MYO1E: variants seen among roughly 807,000 people sequenced by gnomAD.
MYO1E encodes myosin IE, also known as unconventional myosin-Ie.
In MYO1E, 68 loss-of-function variants were observed where a neutral mutation model predicts 151.1. The ratio of observed to expected loss-of-function variants is 0.45; its 90% CI spans 0.37 to 0.55. The LOEUF is 0.55. MYO1E is among the 20% of genes least tolerant of loss of function. The pLI, the probability that MYO1E is intolerant of heterozygous loss-of-function variation, is 0.00. For missense variants in MYO1E, 1,363 were observed against 1,389.3 expected (o/e 0.98, Z 0.30); for synonymous variants, 601 against 501.7 (o/e 1.20, Z -2.64).
At position 59,372,280 on chromosome 15, in the gene MYO1E, A is replaced by G. The variant is rs7174510; in HGVS notation, c.3+218T>C. ...CCACAGAAAGTTTCGCGACGCAGAA[A>G]CCGACTTGGAATAAAGTTTTCCTTG... is the stretch of plus-strand genomic sequence containing the variant. On this transcript the variant is annotated intron_variant, in intron 1 of 27. Transcript: ENST00000288235. 0.97 allele frequency among the ~76,000 whole-genome samples: 147,633 copies of G among 152,236 alleles called. 71,759 individuals are homozygous for G. The highest frequency in any genetic ancestry group is 1 in the East Asian group (5,150 of 5,150).
chr15:59,261,660 G>A (rs1421556104), intron 2 of MYO1E, 151 bp from the exon 3 acceptor site: 1 of 632,000 alleles, frequency 1.6e-6, no homozygotes, highest in African/African-American at 1.8e-5. Flanking sequence ...AAAGACGAAA[G>A]CAATCATCCA....
intron 19 of MYO1E, 101 bp downstream of exon 19, chr15:59,178,292 A>G: frequency 6.9e-7 from 1 of 1,439,512 alleles, no homozygotes; most frequent in Non-Finnish European, 9.5e-7. Context: ...CATTGATGGC[A>G]TGAAGCGAAG....
chr15:59,138,465 G>A (rs549280107), intron 26 of MYO1E, 98 bp from the exon 27 acceptor site: 84 of 1,326,228 alleles, frequency 6.3e-5, no homozygotes, highest in Non-Finnish European at 8.1e-5. Context: ...GCCTGTTCAA[G>A]TTCAAATCCA....
chr15:59,372,777 C>G lies in MYO1E; in HGVS notation c.-277G>C, dbSNP rs1279102698. The G allele has an allele frequency of 1.9e-6, 1 of 535,518 alleles. No individual in the cohort carries two copies. Among genetic ancestry groups the G allele is most frequent in the African/African-American group, 2.0e-5 (1 of 50,264 alleles). The allele number at this position is 535,518 out of a possible 1,614,324, so 33.2% of individuals were successfully genotyped here. A position where few individuals can be genotyped will look rare whatever the true frequency, so the allele number is the denominator to read the frequency against. Reference sequence around the variant, plus strand: ...TCGTACTCGCCGGTCGCCGCCGGCCCAGGTGAGTCCGATGCGCTCGGAGCG... The same window carrying G: ...TCGTACTCGCCGGTCGCCGCCGGCCGAGGTGAGTCCGATGCGCTCGGAGCG... On this transcript the variant is annotated 5_prime_UTR_variant, in exon 1 of 28. Coordinates refer to ENST00000288235, the MANE Select transcript of MYO1E (RefSeq NM_004998.4).
chr15:59,369,727 AG>A (rs1282981099), intron 1 of MYO1E, among the ~76,000 whole-genome samples: 5 of 152,180 alleles, frequency 3.3e-5, no homozygotes, highest in Non-Finnish European at 7.3e-5. Flanking sequence ...AGTTTTCAGG[AG>A]GAAGATAGAA....
intron 4 of MYO1E, among the ~76,000 whole-genome samples, chr15:59,251,805 A>G (rs2140367770): frequency 6.6e-6 from 1 of 152,366 alleles, no homozygotes. Context: ...ATTGTAAATG[A>G]AATAAATGAA....
chr15:59,348,256 G>A (rs1024564588), intron 1 of MYO1E, among the ~76,000 whole-genome samples: 4 of 152,132 alleles, frequency 2.6e-5, no homozygotes, highest in African/African-American at 9.7e-5. Context: ...CTGGGAACTA[G>A]TTTCCTATTT....
chr15:59,234,616 T>C (rs2080050896), intron 5 of MYO1E, among the ~76,000 whole-genome samples: 1 of 151,920 alleles, frequency 6.6e-6, no homozygotes, highest in South Asian at 2.1e-4. Flanking sequence ...GCTCAGGAGT[T>C]TGAGACCAGC....
chr15:59,301,752 G>A (rs1248651061), intron 1 of MYO1E, among the ~76,000 whole-genome samples: 3 of 152,232 alleles, frequency 2.0e-5, no homozygotes, highest in South Asian at 2.1e-4. Context: ...CCTCTTCTGC[G>A]ACTTACTACT....
At chr15:59,199,061 C>A (rs544260085) in intron 16 of MYO1E, among the ~76,000 whole-genome samples, 2 of 152,018 alleles carry the variant, frequency 1.3e-5, no homozygotes, top group Non-Finnish European at 1.5e-5. Context: ...GGAAGTGTTT[C>A]GGATTTTGGA....
At chr15:59,223,270 C>G in intron 8 of MYO1E, 79 bp from the exon 9 acceptor site, 6 of 1,550,340 alleles carry the variant, frequency 3.9e-6, no homozygotes, top group South Asian at 1.1e-5. Context: ...CAAGGCACAG[C>G]AGCTGCTCTA....
chr15:59,328,169 C>G (rs1774128214), intron 1 of MYO1E, among the ~76,000 whole-genome samples: 1 of 152,232 alleles, frequency 6.6e-6, no homozygotes, highest in Non-Finnish European at 1.5e-5. Flanking sequence ...GACAGATTAA[C>G]TGGGCAGCAA....
intron 19 of MYO1E, among the ~76,000 whole-genome samples, chr15:59,176,468 T>G (rs1405424623): frequency 2.0e-5 from 3 of 151,670 alleles, no homozygotes; most frequent in African/African-American, 7.3e-5. Context: ...TTTTTTTTCT[T>G]TTTTTTAGAG....
At chr15:59,203,324 A>G (rs1378573443) in intron 15 of MYO1E, among the ~76,000 whole-genome samples, 1 of 151,718 alleles carries the variant, frequency 6.6e-6, no homozygotes, top group Non-Finnish European at 1.5e-5. Context: ...GCTTTTGAGT[A>G]TGAGCAATTT....
intron 5 of MYO1E, among the ~76,000 whole-genome samples, chr15:59,234,262 G>GGATAGA (rs1566987695): frequency 1.1e-3 from 146 of 134,250 alleles, no homozygotes; most frequent in African/African-American, 5.0e-3. Context: ...GGATGGATGG[G>GGATAGA]TGCATGGATG....
At chr15:59,155,859 G>A (rs58531321) in intron 25 of MYO1E, among the ~76,000 whole-genome samples, 1 of 151,896 alleles carries the variant, frequency 6.6e-6, no homozygotes, top group East Asian at 1.9e-4. Context: ...GCCCTTTTCT[G>A]GGGGGAAGGT....
At chr15:59,195,630 G>A (rs2079761928) in intron 16 of MYO1E, 63 bp from the exon 17 acceptor site, 1 of 1,410,926 alleles carries the variant, frequency 7.1e-7, no homozygotes, top group East Asian at 2.3e-5. Flanking sequence ...AATTTCAAAG[G>A]AGACTTGTAA....
rs574771711 is a variant in MYO1E, at chr15:59,199,630, A to C, written c.1698+2696T>G. On this transcript the variant is annotated intron_variant, in intron 16 of 27. Transcript: ENST00000288235. ...TACTTTTATTTATAATCAATATAATAAGAGTTCCCATCAAATGAATATTCT... is the reference window on the plus strand; with the variant it reads ...TACTTTTATTTATAATCAATATAATCAGAGTTCCCATCAAATGAATATTCT... Among the ~76,000 whole-genome samples the C allele has an allele frequency of 2.0e-5, 3 of 152,266 alleles. No homozygotes were observed. The East Asian group carries it at 5.8e-4, about 29-fold the overall frequency.
At chr15:59,365,242 C>A (rs2080906586) in intron 1 of MYO1E, among the ~76,000 whole-genome samples, 1 of 152,066 alleles carries the variant, frequency 6.6e-6, no homozygotes, top group South Asian at 2.1e-4. Flanking sequence ...TGGTCTCGGA[C>A]TTCTGACCTC....
Sources: allele counts gnomAD v4.1 joint callset (sites outside exome capture counted in the v4.1 genomes callset), GRCh38; gene constraint gnomAD v4.1.1; transcripts MANE v1.5; gene names NCBI Gene and HGNC (gene_info 2026-07-23, HGNC 2026-07-21).